TBX6: variants seen among roughly 807,000 people sequenced by gnomAD.
TBX6 encodes T-box transcription factor 6.
Under a neutral mutation model 42.3 loss-of-function variants are expected in TBX6, and 29 were observed. The observed-to-expected ratio is 0.69, with a 90% confidence interval of 0.51 to 0.93. The LOEUF (loss-of-function observed/expected upper bound fraction) is 0.93. TBX6 is among the 40% of genes least tolerant of loss of function. The pLI, the probability that TBX6 is intolerant of heterozygous loss-of-function variation, is 0.00. For synonymous variants in TBX6, 249 were observed against 245.1 expected, an observed-to-expected ratio of 1.02 and a Z score of -0.15; for missense variants, 569 against 603.3, an observed-to-expected ratio of 0.94 and a Z score of 0.59.
Position 30,086,883 on chromosome 16 carries a change from A to G in TBX6, c.840-32T>C, listed in dbSNP as rs201228532. On this transcript the variant is annotated intron_variant, in intron 6 of 8. Transcript: ENST00000395224. The surrounding 1 kb of genome is among the most constrained non-coding windows in gnomAD (Gnocchi z 4.6). ...AACAGTGGTGGTGATGATGATGATGATGGTGATGGCCATGGTGATGGTAAC... is the reference window on the plus strand; with the variant it reads ...AACAGTGGTGGTGATGATGATGATGGTGGTGATGGCCATGGTGATGGTAAC... 2.6e-6 allele frequency: 3 copies of G among 1,149,892 alleles called. No homozygotes were observed. Among genetic ancestry groups the G allele is most frequent in the Non-Finnish European group, 2.5e-6 (2 of 787,232 alleles). 71.2% of individuals were successfully genotyped at this position (1,149,892 alleles called of 1,614,324 possible). A position where few individuals can be genotyped will look rare whatever the true frequency, so the allele number is the denominator to read the frequency against.
rs933152635 is a variant in TBX6, at chr16:30,086,817, C to T, written c.874G>A (p.Gly292Ser). 22 of 1,613,628 alleles carry T rather than the reference C, an allele frequency of 1.4e-5. No individual in the cohort carries two copies. Among genetic ancestry groups the T allele is most frequent in the Non-Finnish European group, 1.6e-5 (19 of 1,179,912 alleles). The change falls in exon 7 of 9, where the codon GGC (glycine) becomes AGC (serine). Residue 292 changes from glycine (G) to serine (S), a missense_variant. Around this residue, in one of 3 missense-constraint regions of TBX6, gnomAD observed 245 missense variants for 227.4 expected, o/e 1.08. Coordinates refer to ENST00000395224, the MANE Select transcript of TBX6 (RefSeq NM_004608.4). The surrounding 1 kb of genome is among the most constrained non-coding windows in gnomAD (Gnocchi z 4.6). The part of the protein sequence containing the change: ...RDARVKRKLR[G>S]PEPAATEAYG... ...GCCTCTGTGGCTGCTGGCTCTGGGC[C>T]CCGCAGTTTCCTCTTCACACGGGCG...
Position 30,086,781 on chromosome 16 carries a change from C to T in TBX6, c.910G>A (p.Gly304Arg), listed in dbSNP as rs200646948. The change falls in exon 7 of 9, where the codon GGA (glycine) becomes AGA (arginine). Residue 304 changes from glycine (G) to arginine (R), a missense_variant. Gly to Arg is a moderately radical substitution (Grantham distance 125). Around this residue, in one of 3 missense-constraint regions of TBX6, gnomAD observed 245 missense variants for 227.4 expected, o/e 1.08. Coordinates refer to ENST00000395224, the MANE Select transcript of TBX6 (RefSeq NM_004608.4). The surrounding 1 kb of genome is among the most constrained non-coding windows in gnomAD (Gnocchi z 4.6). ...EPAATEAYGS[G>R]DTPGGPCDST... Reference sequence around the variant, plus strand: ...TCGCCATCGGGACTACACTCACCTCCGCTCCCATAGGCCTCTGTGGCTGCT... The same window carrying T: ...TCGCCATCGGGACTACACTCACCTCTGCTCCCATAGGCCTCTGTGGCTGCT... The T allele has an allele frequency of 4.8e-5, 78 of 1,613,876 alleles. No individual in the cohort carries two copies. The highest frequency in any genetic ancestry group is 6.0e-5 in the Non-Finnish European group (71 of 1,179,972).
Position 30,088,851 on chromosome 16 carries a change from G to A in TBX6, c.622-12C>T. The A allele has an allele frequency of 6.2e-7, 1 of 1,612,632 alleles. No individual in the cohort carries two copies. The highest frequency in any genetic ancestry group is 8.5e-7 in the Non-Finnish European group (1 of 1,178,802). On this transcript the variant is annotated splice_polypyrimidine_tract_variant and intron_variant, in intron 4 of 8. Coordinates refer to ENST00000395224, the MANE Select transcript of TBX6 (RefSeq NM_004608.4). This position sits in a 1 kb window ranked among gnomAD's most constrained non-coding sequence, Gnocchi z 4.1. ...GAGTGCAGGATCAGCTGGGAGGGAGGAAATGGGAGTGATTCCCTGCCCTGC... is the reference window on the plus strand; with the variant it reads ...GAGTGCAGGATCAGCTGGGAGGGAGAAAATGGGAGTGATTCCCTGCCCTGC...
At position 30,086,118 on chromosome 16, in the gene TBX6, G is replaced by A; in HGVS notation, c.*107C>T. 1.6e-6 allele frequency: 2 copies of A among 1,220,482 alleles called. No homozygotes were observed. Among genetic ancestry groups the A allele is most frequent in the Non-Finnish European group, 2.3e-6 (2 of 866,390 alleles). 75.6% of individuals were successfully genotyped at this position (1,220,482 alleles called of 1,614,324 possible). ...TGAGGGGGTGGGTGGGCAGGCCCAA[G>A]GCGGCCATTTGGTGTGGGGGATGGG... On this transcript the variant is annotated 3_prime_UTR_variant, in exon 9 of 9. Coordinates refer to ENST00000395224, the MANE Select transcript of TBX6 (RefSeq NM_004608.4). The surrounding 1 kb of genome is among the most constrained non-coding windows in gnomAD (Gnocchi z 4.6).
Position 30,086,660 on chromosome 16 carries a change from C to A in TBX6, c.949G>T (p.Gly317Ter). 1 of 1,609,866 alleles carries A rather than the reference C, an allele frequency of 6.2e-7. No individual in the cohort carries two copies. The highest frequency in any genetic ancestry group is 2.2e-5 in the East Asian group (1 of 44,814). Reference protein sequence around the residue: ...PGGPCDSTLGGDIRESDPEQA... With the variant: ...PGGPCDSTLG ...TCTGGATCTGATTCACGAATGTCTC[C>A]ACCCAGGGTGGAGTCGCAGGGACCA... Residue 317 changes from glycine (G) to a stop codon, truncating the protein, a stop_gained, in exon 8 of 9, where the codon GGA (glycine) becomes TGA (stop). Transcript: ENST00000395224. LOFTEE classifies it high-confidence loss of function. The surrounding 1 kb of genome is among the most constrained non-coding windows in gnomAD (Gnocchi z 4.6).
rs543107183 is a variant in TBX6, at chr16:30,086,372, C to T, written c.1164G>A (p.Glu388=). Residue 388 remains glutamate (E), a synonymous_variant, in exon 9 of 9, where the codon GAG becomes GAA. Coordinates refer to ENST00000395224, the MANE Select transcript of TBX6 (RefSeq NM_004608.4). The surrounding 1 kb of genome is among the most constrained non-coding windows in gnomAD (Gnocchi z 4.6). The stretch of plus-strand genomic sequence containing the variant: ...CGGAGCCCCCTGACCCGTGCGGCAG[C>T]TCCAGAAATGCAGCCGAGTAGGGGG... ...RSAPYSAAFL[E]LPHGSGGSGY... is the part of the protein sequence containing the mutation. 7.0e-6 allele frequency: 11 copies of T among 1,577,044 alleles called. 1 individual carries two copies. The African/African-American group carries it at 1.5e-4, about 22-fold the overall frequency.
rs919549927 is a variant in TBX6, at chr16:30,086,653, A to T, written c.956T>A (p.Ile319Asn). Reference sequence around the variant, plus strand: ...GGCCTGTTCTGGATCTGATTCACGAATGTCTCCACCCAGGGTGGAGTCGCA... The same window carrying T: ...GGCCTGTTCTGGATCTGATTCACGATTGTCTCCACCCAGGGTGGAGTCGCA... ...GPCDSTLGGD[I>N]RESDPEQAPA... is the part of the protein sequence containing the mutation. Residue 319 changes from isoleucine (I) to asparagine (N), a missense_variant, in exon 8 of 9, where the codon ATT (isoleucine) becomes AAT (asparagine). By Grantham distance (149) the Ile-to-Asn change is moderately radical (BLOSUM62 -3). This residue lies in a region of TBX6 where 245 missense variants were observed against 227.4 expected (regional missense o/e 1.08). Coordinates refer to ENST00000395224, the MANE Select transcript of TBX6 (RefSeq NM_004608.4). The surrounding 1 kb of genome is among the most constrained non-coding windows in gnomAD (Gnocchi z 4.6). 6.2e-7 allele frequency: 1 copy of T among 1,609,000 alleles called. No homozygotes were observed.
At position 30,086,601 on chromosome 16, in the gene TBX6, G is replaced by A. The variant is rs567311252; in HGVS notation, c.1008C>T (p.Ala336=). The stretch of plus-strand genomic sequence containing the variant: ...TGGGGCCACCACACAGAGGTGCCGG[G>A]GCAGCGGTGGCTTCCCCGGGGGCTG... ...QAPAPGEATA[A]PAPLCGGPSA... The change falls in exon 8 of 9, where the codon GCC becomes GCT. Residue 336 remains alanine (A), a synonymous_variant. Coordinates refer to ENST00000395224, the MANE Select transcript of TBX6 (RefSeq NM_004608.4). This position sits in a 1 kb window ranked among gnomAD's most constrained non-coding sequence, Gnocchi z 4.6. 15 of 1,582,854 alleles carry A rather than the reference G, an allele frequency of 9.5e-6. No homozygotes were observed. Among genetic ancestry groups the A allele is most frequent in the Non-Finnish European group, 1.1e-5 (13 of 1,168,102 alleles).
rs946265913 is a variant in TBX6, at chr16:30,088,783, G to A, written c.678C>T (p.Ala226=). 6.2e-7 allele frequency: 1 copy of A among 1,614,072 alleles called. No homozygotes were observed. The highest frequency in any genetic ancestry group is 8.5e-7 in the Non-Finnish European group (1 of 1,179,938). Residue 226 remains alanine (A), a synonymous_variant, in exon 5 of 9, where the codon GCC becomes GCT. Transcript: ENST00000395224. This position sits in a 1 kb window ranked among gnomAD's most constrained non-coding sequence, Gnocchi z 4.1. ...YQPRIHLVRA[A]QLCSQHWGGM... Reference sequence around the variant, plus strand: ...CCCCCCAGTGCTGGCTGCAGAGCTGGGCTGCCCGAACTAGGTGTATGCGGG... The same window carrying A: ...CCCCCCAGTGCTGGCTGCAGAGCTGAGCTGCCCGAACTAGGTGTATGCGGG...
At position 30,086,403 on chromosome 16, in the gene TBX6, C is replaced by G. The variant is rs756921502; in HGVS notation, c.1133G>C (p.Arg378Pro). The G allele has an allele frequency of 6.5e-7, 1 of 1,549,034 alleles. No homozygotes were observed. The highest frequency in any genetic ancestry group is 8.7e-7 in the Non-Finnish European group (1 of 1,154,990). Residue 378 changes from arginine to proline, a missense_variant, in exon 9 of 9, where the codon CGC (arginine) becomes CCC (proline). Arg to Pro is a moderately radical substitution (Grantham distance 103). Coordinates refer to ENST00000395224, the MANE Select transcript of TBX6 (RefSeq NM_004608.4). The surrounding 1 kb of genome is among the most constrained non-coding windows in gnomAD (Gnocchi z 4.6). ...AAATGCAGCCGAGTAGGGGGCTGAG[C>G]GCCCGGAGTCTGGAGCCTCCGGGAA... The part of the protein sequence containing the change: ...PSFPEAPDSG[R>P]SAPYSAAFLE...
intron 3 of TBX6, among the ~76,000 whole-genome samples, chr16:30,090,315 G>T (rs1479972265): frequency 6.6e-6 from 1 of 152,130 alleles, no homozygotes; most frequent in Non-Finnish European, 1.5e-5. Context: ...CCGTGTCCCT[G>T]CCTCTAGGGT....
At chr16:30,089,484 A>G (rs1461224171) in intron 3 of TBX6, among the ~76,000 whole-genome samples, 1 of 152,096 alleles carries the variant, frequency 6.6e-6, no homozygotes, top group Admixed American at 6.5e-5. Context: ...AAAATTAAAA[A>G]ATTAGCCAGG....
Position 30,088,293 on chromosome 16 carries a change from C to T in TBX6, c.839+252G>A. On this transcript the variant is annotated intron_variant, in intron 6 of 8. Coordinates refer to ENST00000395224, the MANE Select transcript of TBX6 (RefSeq NM_004608.4). The surrounding 1 kb of genome is among the most constrained non-coding windows in gnomAD (Gnocchi z 4.1). ...ATGACATTTTATTTATTTCTCTTGT[C>T]TGCTTGTCTACTCTCCCCACTAGAA... 1 of 552,654 alleles carries T rather than the reference C, an allele frequency of 1.8e-6. No individual in the cohort carries two copies. Among genetic ancestry groups the T allele is most frequent in the Non-Finnish European group, 3.2e-6 (1 of 308,472 alleles). 34.2% of individuals were successfully genotyped at this position (552,654 alleles called of 1,614,324 possible).
intron 6 of TBX6, among the ~76,000 whole-genome samples, 187 bp from the exon 7 acceptor site, chr16:30,087,038 G>T (rs759752642): frequency 6.6e-6 from 1 of 152,108 alleles, no homozygotes; most frequent in Non-Finnish European, 1.5e-5. Flanking sequence ...GGCAGAGCTG[G>T]AATTTTGTCC....
Position 30,086,258 on chromosome 16 carries a change from G to A in TBX6, c.1278C>T (p.Gly426=), listed in dbSNP as rs577918214. 1 of 1,612,122 alleles carries A rather than the reference G, an allele frequency of 6.2e-7. No homozygotes were observed. Among genetic ancestry groups the A allele is most frequent in the South Asian group, 1.1e-5 (1 of 91,002 alleles). ...TGGGTTTGGAGCCCACATCCAGATA[G>A]CCCCCAGGCGCGGTGTATGGTAGAG... ...PFPLPYTAPG[G]YLDVGSKPMY The change falls in exon 9 of 9, where the codon GGC becomes GGT. Residue 426 remains glycine, a synonymous_variant. Transcript: ENST00000395224. This position sits in a 1 kb window ranked among gnomAD's most constrained non-coding sequence, Gnocchi z 4.6.
rs746776851 is a variant in TBX6, at chr16:30,089,129, C to T, written c.435G>A (p.Pro145=). 18 of 1,614,086 alleles carry T rather than the reference C, an allele frequency of 1.1e-5. No individual in the cohort carries two copies. Among genetic ancestry groups the T allele is most frequent in the East Asian group, 6.7e-5 (3 of 44,872 alleles). Residue 145 remains proline (P), a synonymous_variant, in exon 4 of 9, where the codon CCG becomes CCA. Coordinates refer to ENST00000395224, the MANE Select transcript of TBX6 (RefSeq NM_004608.4). ...ARYLFLLDVI[P]VDGARYRWQG... ...GCCAGCGGTAGCGAGCCCCATCCAC[C>T]GGAATCACATCCAGAAGAAACAAGT...
rs546541567 is a variant in TBX6 at position 30,086,759 on chromosome 16, C to T, written c.913+19G>A. The T allele has an allele frequency of 1.2e-6, 2 of 1,613,854 alleles. No individual in the cohort carries two copies. Among genetic ancestry groups the T allele is most frequent in the Admixed American group, 1.7e-5 (1 of 59,994 alleles). ...CCCTGTCTCAGGCCTGGCCCCATCGCCATCGGGACTACACTCACCTCCGCT... is the reference window on the plus strand; with the variant it reads ...CCCTGTCTCAGGCCTGGCCCCATCGTCATCGGGACTACACTCACCTCCGCT... On this transcript the variant is annotated intron_variant, in intron 7 of 8. Coordinates refer to ENST00000395224, the MANE Select transcript of TBX6 (RefSeq NM_004608.4). This position sits in a 1 kb window ranked among gnomAD's most constrained non-coding sequence, Gnocchi z 4.6.
At position 30,086,426 on chromosome 16, in the gene TBX6, G is replaced by GA; in HGVS notation, c.1109dup (p.Glu372GlyfsTer115). 1 of 1,522,930 alleles carries GA rather than the reference G, an allele frequency of 6.6e-7. No homozygotes were observed. Among genetic ancestry groups the GA allele is most frequent in the Non-Finnish European group, 8.8e-7 (1 of 1,140,984 alleles). The allele number at this position is 1,522,930 out of a possible 1,614,324, so 94.3% of individuals were successfully genotyped here. ...AGCGCCCGGAGTCTGGAGCCTCCGGGAAGCTGGGGCTCCTGACATGGAGAG... is the reference window on the plus strand; with the variant it reads ...AGCGCCCGGAGTCTGGAGCCTCCGGGAAAGCTGGGGCTCCTGACATGGAGAG... On this transcript the variant is annotated frameshift_variant, in exon 9 of 9. Coordinates refer to ENST00000395224, the MANE Select transcript of TBX6 (RefSeq NM_004608.4). LOFTEE classifies it high-confidence loss of function. The surrounding 1 kb of genome is among the most constrained non-coding windows in gnomAD (Gnocchi z 4.6).
intron 1 of TBX6, chr16:30,091,541 C>T: frequency 4.5e-6 from 1 of 220,140 alleles, no homozygotes; most frequent in Non-Finnish European, 9.2e-6. Flanking sequence ...GGTCCCCGTT[C>T]CCACGGTGGG....
Sources: allele counts gnomAD v4.1 joint callset (sites outside exome capture counted in the v4.1 genomes callset), GRCh38; gene constraint gnomAD v4.1.1; regional missense constraint gnomAD v4.1.1; non-coding constraint Gnocchi (gnomAD v3.1); transcripts MANE v1.5; gene names NCBI Gene and HGNC (gene_info 2026-07-23, HGNC 2026-07-21).